PARD3B: variants seen among roughly 807,000 people sequenced by gnomAD.
The protein encoded by PARD3B is par-3 family cell polarity regulator beta, also known as partitioning defective 3 homolog B.
PARD3B carries 103 observed loss-of-function variants against 130.2 expected under a neutral mutation model. The ratio of observed to expected loss-of-function variants is 0.79; its 90% CI spans 0.67 to 0.93. PARD3B has a LOEUF of 0.93. Ranked by LOEUF, PARD3B falls within the 40% of genes least tolerant of loss-of-function variation. The pLI is 0.00. For missense variants in PARD3B, 1,609 were observed against 1,499.2 expected (o/e 1.07, Z -1.21); for synonymous variants, 583 against 553.2 (o/e 1.05, Z -0.76).
At chr2:205,046,580 A>G (rs918900214) in intron 3 of PARD3B, among the ~76,000 whole-genome samples, 4 of 152,198 alleles carry the variant, frequency 2.6e-5, no homozygotes, top group African/African-American at 9.6e-5. Context: ...GTTAAAGCAC[A>G]CATAAAAACC....
chr2:204,640,863 GC>G (rs2035051509), intron 1 of PARD3B, among the ~76,000 whole-genome samples: 1 of 150,914 alleles, frequency 6.6e-6, no homozygotes, highest in African/African-American at 2.4e-5. Context: ...CATGAGCCCT[GC>G]CTGTGGGCAG....
In PARD3B at chr2:205,550,951, A is replaced by ATT. The variant is rs1553542788; in HGVS notation, c.3181-2372_3181-2371insTT. 1.3e-5 allele frequency among the ~76,000 whole-genome samples: 1 copy of ATT among 77,598 alleles called. No individual in the cohort carries two copies. Among genetic ancestry groups the ATT allele is most frequent in the African/African-American group, 4.4e-5 (1 of 22,526 alleles). 50.9% of individuals were successfully genotyped at this position (77,598 alleles called of 152,430 possible). A position where few individuals can be genotyped will look rare whatever the true frequency, so the allele number is the denominator to read the frequency against. Reference sequence around the variant, plus strand: ...TGTGTGTGTGTGTGTGTATATATATATGTGTATATATATATATATATATAT... The same window carrying ATT: ...TGTGTGTGTGTGTGTGTATATATATATTTGTGTATATATATATATATATATAT... On this transcript the variant is annotated intron_variant, in intron 21 of 22. Coordinates refer to ENST00000406610, the MANE Select transcript of PARD3B (RefSeq NM_001302769.2). The surrounding 1 kb of genome is among the most constrained non-coding windows in gnomAD (Gnocchi z 4.5).
At position 205,015,144 on chromosome 2, in the gene PARD3B, T is replaced by C. The variant is rs1194385839; in HGVS notation, c.395-32437T>C. Reference sequence around the variant, plus strand: ...ACAGTTGATTAACACCTATTTTGTATGTTATATGTATTATGTATACAATAT... The same window carrying C: ...ACAGTTGATTAACACCTATTTTGTACGTTATATGTATTATGTATACAATAT... On this transcript the variant is annotated intron_variant, in intron 3 of 22. Coordinates refer to ENST00000406610, the MANE Select transcript of PARD3B (RefSeq NM_001302769.2). This position sits in a 1 kb window ranked among gnomAD's most constrained non-coding sequence, Gnocchi z 4.5. Among the ~76,000 whole-genome samples, 1 of 152,194 alleles carries C rather than the reference T, an allele frequency of 6.6e-6. No individual in the cohort carries two copies. The highest frequency in any genetic ancestry group is 2.4e-5 in the African/African-American group (1 of 41,442).
intron 20 of PARD3B, among the ~76,000 whole-genome samples, chr2:205,484,157 T>C (rs769687808): frequency 6.6e-6 from 1 of 152,214 alleles, no homozygotes; most frequent in Non-Finnish European, 1.5e-5. Context: ...GTTGGATATG[T>C]CAGTACTCAT....
At chr2:204,954,855 T>G (rs537410915) in intron 2 of PARD3B, among the ~76,000 whole-genome samples, 38 of 152,358 alleles carry the variant, frequency 2.5e-4, no homozygotes, top group African/African-American at 9.1e-4. Flanking sequence ...GATACTGTTT[T>G]TTCTATCAAC....
chr2:204,965,386 G>A (rs1431543940), intron 3 of PARD3B, 63 bp downstream of exon 3: 1 of 1,481,120 alleles, frequency 6.8e-7, no homozygotes, highest in East Asian at 2.3e-5. Context: ...TGTTGATTAG[G>A]CATTGTTTCT....
chr2:204,872,270 ATAGT>A (rs1475680096), intron 2 of PARD3B, among the ~76,000 whole-genome samples: 3 of 152,076 alleles, frequency 2.0e-5, no homozygotes, highest in African/African-American at 4.8e-5. Context: ...ACATGGATAG[ATAGT>A]TATATATATA....
chr2:204,625,527 A>T (rs909392433), intron 1 of PARD3B, among the ~76,000 whole-genome samples: 14 of 152,222 alleles, frequency 9.2e-5, no homozygotes, highest in African/African-American at 3.4e-4. Flanking sequence ...TTGACAATGA[A>T]GAAATTAAAT....
chr2:205,195,689 A>T (rs2036643962), intron 15 of PARD3B, among the ~76,000 whole-genome samples: 1 of 152,210 alleles, frequency 6.6e-6, no homozygotes, highest in South Asian at 2.1e-4. Context: ...TTATAGGAAT[A>T]ATCCTAGCAG....
At chr2:205,156,110 T>C (rs1279106432) in intron 10 of PARD3B, among the ~76,000 whole-genome samples, 2 of 151,896 alleles carry the variant, frequency 1.3e-5, no homozygotes, top group South Asian at 2.1e-4. Context: ...ATGTCCTTTG[T>C]AGGGACATGG....
intron 18 of PARD3B, among the ~76,000 whole-genome samples, chr2:205,382,731 T>G (rs759737507): frequency 7.2e-5 from 11 of 152,192 alleles, no homozygotes; most frequent in Non-Finnish European, 7.4e-5. Context: ...TTCGCTTAGT[T>G]ATGTCATTAT....
At chr2:205,438,503 T>C (rs768028129) in intron 19 of PARD3B, among the ~76,000 whole-genome samples, 4 of 152,222 alleles carry the variant, frequency 2.6e-5, no homozygotes, top group African/African-American at 4.8e-5. Flanking sequence ...CCTAACTTTA[T>C]TGATGTCCTT....
intron 20 of PARD3B, among the ~76,000 whole-genome samples, chr2:205,482,307 G>C (rs555361204): frequency 2.9e-4 from 44 of 152,248 alleles, no homozygotes; most frequent in African/African-American, 1.0e-3. Context: ...TTGCCACAAG[G>C]GTTGCTCTGC....
At chr2:205,000,790 C>T (rs142085882) in intron 3 of PARD3B, among the ~76,000 whole-genome samples, 388 of 152,154 alleles carry the variant, frequency 2.6e-3, no homozygotes, top group African/African-American at 8.9e-3. Context: ...TACTTCCATC[C>T]ATATTGCTTG....
chr2:205,055,994 G>T (rs1352072368), intron 4 of PARD3B, among the ~76,000 whole-genome samples: 1 of 152,092 alleles, frequency 6.6e-6, no homozygotes, highest in African/African-American at 2.4e-5. Flanking sequence ...ATCGTAAAGT[G>T]AAAGTTAAGG....
At chr2:204,716,233 G>T (rs1049161400) in intron 2 of PARD3B, among the ~76,000 whole-genome samples, 2 of 152,030 alleles carry the variant, frequency 1.3e-5, no homozygotes, top group African/African-American at 4.8e-5. Flanking sequence ...CATCTGGTAT[G>T]GAGTTAACAG....
chr2:204,773,958 T>A (rs1273310818), intron 2 of PARD3B, among the ~76,000 whole-genome samples: 1 of 152,104 alleles, frequency 6.6e-6, no homozygotes, highest in African/African-American at 2.4e-5. Context: ...GTTCCTGGCC[T>A]CATTTTTCAT....
chr2:205,538,465 G>A (rs116613201), intron 21 of PARD3B, among the ~76,000 whole-genome samples: 1,307 of 116,144 alleles, frequency 0.011, 8 homozygotes, highest in Non-Finnish European at 0.019. Flanking sequence ...AGATGGTCAC[G>A]TGTGTGTACA....
At chr2:205,252,799 C>T (rs953760325) in intron 16 of PARD3B, among the ~76,000 whole-genome samples, 2 of 134,254 alleles carry the variant, frequency 1.5e-5, no homozygotes, top group African/African-American at 5.5e-5. Context: ...CTTTTATATT[C>T]TAGTAATATC....
Sources: gnomAD v4.1 joint callset for allele counts (sites outside exome capture counted in the v4.1 genomes callset) on GRCh38, gnomAD v4.1.1 for gene constraint, Gnocchi (gnomAD v3.1) non-coding constraint, MANE v1.5 for transcripts, NCBI Gene and HGNC (gene_info 2026-07-23, HGNC 2026-07-21) for gene names.